Variants in ERBB3 observed in about 807,000 individuals in gnomAD.
ERBB3 encodes receptor tyrosine-protein kinase erbB-3.
A neutral mutation model predicts 156.7 loss-of-function variants in ERBB3; 96 were observed. That is an observed-to-expected ratio of 0.61 (90% confidence interval 0.52 to 0.73). The LOEUF is 0.73. Among genes scored for constraint, ERBB3 ranks in the 30% least tolerant of loss-of-function variants. The pLI is 0.00. For synonymous variants in ERBB3, 567 were observed against 632.0 expected, an observed-to-expected ratio of 0.90 and a Z score of 1.54; for missense variants, 1,406 against 1,709.4, an observed-to-expected ratio of 0.82 and a Z score of 3.13.
chr12:56,088,480 T>A, intron 7 of ERBB3, 63 bp from the exon 8 acceptor site: 1 of 1,266,698 alleles, frequency 7.9e-7, no homozygotes, highest in Non-Finnish European at 1.2e-6. Context: ...AGAGCAAGGG[T>A]TCCATTGGTA....
intron 4 of ERBB3, 74 bp from the exon 5 acceptor site, chr12:56,087,503 C>T (rs945636115): frequency 6.4e-6 from 8 of 1,243,318 alleles, no homozygotes; most frequent in South Asian, 6.0e-5. Context: ...TGTGTACTGA[C>T]ATCATACCCC....
chr12:56,096,425 A>G, intron 17 of ERBB3, 78 bp from the exon 18 acceptor site: 1 of 1,588,354 alleles, frequency 6.3e-7, no homozygotes, highest in Non-Finnish European at 8.6e-7. Flanking sequence ...TGCTTTTGGC[A>G]TTCACCTATG....
At chr12:56,083,567 G>C in intron 1 of ERBB3, 184 bp from the exon 2 acceptor site, 5 of 674,598 alleles carry the variant, frequency 7.4e-6, no homozygotes, top group South Asian at 6.5e-5. Context: ...ATTCTGAGAA[G>C]AGAGAAAGCT....
chr12:56,091,787 T>G (rs1442138232), intron 9 of ERBB3, among the ~76,000 whole-genome samples: 2 of 152,178 alleles, frequency 1.3e-5, no homozygotes, highest in Non-Finnish European at 2.9e-5. Context: ...AAGTTACTAT[T>G]TTTCCATTCA....
In ERBB3 at chr12:56,097,123, C is replaced by T. The variant is rs766932138; in HGVS notation, c.2353C>T (p.Leu785Phe). The change falls in exon 20 of 28, where the codon CTT becomes TTT. Residue 785 changes from leucine to phenylalanine, a missense_variant. Leu to Phe is a conservative substitution (Grantham distance 22). Around this residue, in one of 3 missense-constraint regions of ERBB3, gnomAD observed 979 missense variants for 1,219.6 expected, o/e 0.80. Coordinates refer to ENST00000267101, the MANE Select transcript of ERBB3 (RefSeq NM_001982.4). ...LGLCPGSSLQ[L>F]VTQYLPLGSL... ...ACTATGCCCAGGGTCATCTCTGCAGCTTGTCACTCAATATTTGCCTCTGGG... is the reference window on the plus strand; with the variant it reads ...ACTATGCCCAGGGTCATCTCTGCAGTTTGTCACTCAATATTTGCCTCTGGG... The T allele has an allele frequency of 1.2e-6, 2 of 1,614,132 alleles. No individual in the cohort carries two copies. Among genetic ancestry groups the T allele is most frequent in the East Asian group, 2.2e-5 (1 of 44,884 alleles).
intron 7 of ERBB3, among the ~76,000 whole-genome samples, 167 bp from the exon 8 acceptor site, chr12:56,088,376 T>C (rs2136796181): frequency 6.6e-6 from 1 of 152,252 alleles, no homozygotes; most frequent in Middle Eastern, 3.4e-3. Flanking sequence ...CAACAAATAG[T>C]GAAGAGACTT....
intron 16 of ERBB3, 148 bp downstream of exon 16, chr12:56,095,458 A>G: frequency 1.1e-6 from 1 of 886,988 alleles, no homozygotes; most frequent in South Asian, 1.5e-5. Flanking sequence ...TCAAGAATGC[A>G]GGCTTCTGGA....
At position 56,080,248 on chromosome 12, in the gene ERBB3, C is replaced by G. The variant is rs985232523; in HGVS notation, c.-53C>G. The G allele has an allele frequency of 1.2e-5, 18 of 1,453,222 alleles. No homozygotes were observed. The highest frequency in any genetic ancestry group is 1.7e-4 in the Middle Eastern group (1 of 5,812). 90.0% of individuals were successfully genotyped at this position (1,453,222 alleles called of 1,614,324 possible). On this transcript the variant is annotated 5_prime_UTR_variant, in exon 1 of 28. Transcript: ENST00000267101. ...GTGGCTCTTGCCTCGATGTCCTAGC[C>G]TAGGGGCCCCCGGGCCGGACTTGGC...
At chr12:56,099,189 C>T (rs1240148984) in intron 23 of ERBB3, among the ~76,000 whole-genome samples, 1 of 151,876 alleles carries the variant, frequency 6.6e-6, no homozygotes, top group Non-Finnish European at 1.5e-5. Flanking sequence ...CTCCTGACCT[C>T]AGGTGATCCG....
chr12:56,101,019 G>A lies in ERBB3; in HGVS notation c.3202-42G>A, dbSNP rs76678968. On this transcript the variant is annotated intron_variant, in intron 26 of 27. Transcript: ENST00000267101. ...CAAATCTCTCTTCTTTCCTCATCAT[G>A]TAAATTTCCTTGCATTATTTTCTGT... 4.8e-3 allele frequency: 7,113 copies of A among 1,468,784 alleles called. 28 individuals carry two copies. Among genetic ancestry groups the A allele is most frequent in the Middle Eastern group, 0.018 (87 of 4,838 alleles). 91.0% of individuals were successfully genotyped at this position (1,468,784 alleles called of 1,614,324 possible). A position where few individuals can be genotyped will look rare whatever the true frequency, so the allele number is the denominator to read the frequency against.
upstream of ERBB3, chr12:56,080,149 G>C (rs1204024324): frequency 5.9e-6 from 4 of 682,192 alleles, no homozygotes; most frequent in Non-Finnish European, 8.0e-6. Flanking sequence ...CCCGGACTCC[G>C]GCTCCGGCTC....
rs1198998849 is a variant in ERBB3, at chr12:56,092,753, C to G, written c.1116C>G (p.Pro372=). 1.2e-6 allele frequency: 2 copies of G among 1,613,796 alleles called. No individual in the cohort carries two copies. Among genetic ancestry groups the G allele is most frequent in the Admixed American group, 1.7e-5 (1 of 60,026 alleles). Residue 372 remains proline (P), a synonymous_variant, in exon 10 of 28, where the codon CCC becomes CCG. Transcript: ENST00000267101. ...TTTCTACTGTTCTATTCAGAGACCCCTGGCACAAGATCCCTGCCCTGGACC... is the reference window on the plus strand; with the variant it reads ...TTTCTACTGTTCTATTCAGAGACCCGTGGCACAAGATCCCTGCCCTGGACC... ...DFLITGLNGD[P]WHKIPALDPE...
In ERBB3 at chr12:56,080,312, C is replaced by A; in HGVS notation, c.12C>A (p.Asn4Lys). 2 of 1,573,014 alleles carry A rather than the reference C, an allele frequency of 1.3e-6. No homozygotes were observed. Among genetic ancestry groups the A allele is most frequent in the Non-Finnish European group, 1.7e-6 (2 of 1,157,906 alleles). ...CCCTCTGCGGAGTCATGAGGGCGAA[C>A]GACGCTCTGCAGGTGCTGGGCTTGC... MRANDALQVLGLLF... is the reference protein window; with the variant it reads MRAKDALQVLGLLF... The change falls in exon 1 of 28, where the codon AAC (asparagine) becomes AAA (lysine). Residue 4 changes from asparagine to lysine, a missense_variant. By Grantham distance (94) the Asn-to-Lys change is moderately conservative. Around this residue, in one of 3 missense-constraint regions of ERBB3, gnomAD observed 979 missense variants for 1,219.6 expected, o/e 0.80. Coordinates refer to ENST00000267101, the MANE Select transcript of ERBB3 (RefSeq NM_001982.4).
At position 56,099,652 on chromosome 12, in the gene ERBB3, G is replaced by A; in HGVS notation, c.2844G>A (p.Trp948Ter). 6.2e-7 allele frequency: 1 copy of A among 1,613,766 alleles called. No individual in the cohort carries two copies. The highest frequency in any genetic ancestry group is 8.5e-7 in the Non-Finnish European group (1 of 1,179,776). ...CCTCCTACATCTTATCTCCAGGTTG[G>A]ATGATTGATGAGAACATTCGCCCAA... ...IDVYMVMVKC[W>*]MIDENIRPTF... The change falls in exon 24 of 28, where the codon TGG becomes TGA. Residue 948 changes from tryptophan (W) to a stop codon, truncating the protein, a stop_gained. Coordinates refer to ENST00000267101, the MANE Select transcript of ERBB3 (RefSeq NM_001982.4). LOFTEE classifies it high-confidence loss of function.
intron 3 of ERBB3, among the ~76,000 whole-genome samples, chr12:56,086,196 C>T (rs1868481010): frequency 6.6e-6 from 1 of 152,086 alleles, no homozygotes; most frequent in Non-Finnish European, 1.5e-5. Flanking sequence ...AACCACCTGT[C>T]CATCTTCTGC....
In ERBB3 at chr12:56,100,381, C is replaced by T. The variant is rs568855787; in HGVS notation, c.3201+136C>T. 2.2e-4 allele frequency: 164 copies of T among 760,968 alleles called. 2 individuals are homozygous for T. Among genetic ancestry groups the T allele is most frequent in the South Asian group, 1.9e-3 (136 of 70,612 alleles). 47.1% of individuals were successfully genotyped at this position (760,968 alleles called of 1,614,324 possible). On this transcript the variant is annotated intron_variant, in intron 26 of 27. Transcript: ENST00000267101. Reference sequence around the variant, plus strand: ...TGAGGGCCGGGCGAGTTGGCTCACACCTGTAATCCCAGCACTTTGGGAGGC... The same window carrying T: ...TGAGGGCCGGGCGAGTTGGCTCACATCTGTAATCCCAGCACTTTGGGAGGC...
intron 5 of ERBB3, 29 bp downstream of exon 5, chr12:56,087,671 C>T: frequency 1.9e-6 from 3 of 1,609,860 alleles, no homozygotes; most frequent in Non-Finnish European, 2.6e-6. Context: ...CCAAAAACTT[C>T]ACTCATACGC....
intron 1 of ERBB3, among the ~76,000 whole-genome samples, chr12:56,082,775 G>A (rs1868368943): frequency 6.6e-6 from 1 of 152,186 alleles, no homozygotes; most frequent in African/African-American, 2.4e-5. Context: ...GACATGCCAT[G>A]TACCTCTAGT....
chr12:56,090,076 C>T (rs1305878014), intron 9 of ERBB3, among the ~76,000 whole-genome samples: 1 of 151,418 alleles, frequency 6.6e-6, no homozygotes, highest in African/African-American at 2.4e-5. Context: ...CTGCAACCTC[C>T]GCCTCCTCTG....
Sources: gnomAD v4.1 joint callset for allele counts (sites outside exome capture counted in the v4.1 genomes callset) on GRCh38, gnomAD v4.1.1 for gene constraint, gnomAD v4.1.1 regional missense constraint, MANE v1.5 for transcripts, NCBI Gene and HGNC (gene_info 2026-07-23, HGNC 2026-07-21) for gene names.